The following ENPP2 variants were observed in gnomAD, a reference collection of about 807,000 sequenced individuals.
The protein encoded by ENPP2 is ectonucleotide pyrophosphatase/phosphodiesterase 2.
A neutral mutation model predicts 120.2 loss-of-function variants in ENPP2; 51 were observed. The observed-to-expected ratio is 0.42, with a 90% CI of 0.34 to 0.54. ENPP2 has a LOEUF of 0.54. Ranked by LOEUF, ENPP2 falls within the 20% of genes least tolerant of loss-of-function variation. ENPP2 has a pLI of 0.04. For synonymous variants in ENPP2, 365 were observed against 366.4 expected, an observed-to-expected ratio of 1.00 and a Z score of 0.04; for missense variants, 920 against 1,066.5, an observed-to-expected ratio of 0.86 and a Z score of 1.91.
intron 3 of ENPP2, among the ~76,000 whole-genome samples, chr8:119,624,723 G>A (rs1034316396): frequency 9.9e-5 from 15 of 151,986 alleles, no homozygotes; most frequent in South Asian, 2.1e-4. Context: ...AGATACTTTC[G>A]CACACATGCA....
intron 19 of ENPP2, chr8:119,572,382 TA>T: frequency 1.4e-6 from 1 of 691,990 alleles, no homozygotes; most frequent in Non-Finnish European, 2.5e-6. Context: ...TAGGGGACAA[TA>T]AAATAGCAGC....
chr8:119,590,079 G>T (rs1813392722), intron 13 of ENPP2, among the ~76,000 whole-genome samples: 1 of 152,128 alleles, frequency 6.6e-6, no homozygotes, highest in African/African-American at 2.4e-5. Flanking sequence ...CAGTCCAAAT[G>T]TGGTTCTGCC....
At chr8:119,621,574 A>C (rs948603259) in intron 3 of ENPP2, 55 bp from the exon 4 acceptor site, 1 of 1,579,666 alleles carries the variant, frequency 6.3e-7, no homozygotes, top group Non-Finnish European at 8.7e-7. Context: ...AAATGAAAGA[A>C]GCCACAATTG....
intron 9 of ENPP2, among the ~76,000 whole-genome samples, chr8:119,603,701 A>G (rs1030053699): frequency 6.6e-6 from 1 of 152,234 alleles, no homozygotes. Flanking sequence ...TTTTATTGTT[A>G]TATACTAAAT....
chr8:119,580,175 T>C lies in ENPP2; in HGVS notation c.1729-8A>G, dbSNP rs1192202907. 1.2e-6 allele frequency: 2 copies of C among 1,610,648 alleles called. No homozygotes were observed. Among genetic ancestry groups the C allele is most frequent in the Non-Finnish European group, 1.7e-6 (2 of 1,176,802 alleles). On this transcript the variant is annotated splice_region_variant and splice_polypyrimidine_tract_variant and intron_variant, in intron 18 of 24. Coordinates refer to ENST00000075322, the MANE Select transcript of ENPP2 (RefSeq NM_001040092.3). ...GAGTTCATCCAACTTGTTCTTCATG[T>C]GTGAAAACCAGTAAAGGAAAAAAGA...
intron 3 of ENPP2, among the ~76,000 whole-genome samples, chr8:119,622,568 G>A (rs1587507197): frequency 6.6e-6 from 1 of 152,334 alleles, no homozygotes; most frequent in South Asian, 2.1e-4. Context: ...ATCTGCTAGA[G>A]TGTAAGCGCC....
At chr8:119,648,010 A>G (rs1215357589) in intron 1 of ENPP2, among the ~76,000 whole-genome samples, 6 of 152,176 alleles carry the variant, frequency 3.9e-5, no homozygotes, top group Non-Finnish European at 5.9e-5. Flanking sequence ...CATCCCCAAA[A>G]AAAGAAAAGT....
intron 8 of ENPP2, among the ~76,000 whole-genome samples, chr8:119,610,640 C>T (rs145775835): frequency 0.057 from 8,664 of 151,916 alleles, 726 homozygotes; most frequent in African/African-American, 0.19. Flanking sequence ...TGGTGGCTCA[C>T]GCCTATAATC....
intron 9 of ENPP2, among the ~76,000 whole-genome samples, chr8:119,604,015 T>C (rs1442479596): frequency 2.7e-4 from 10 of 36,432 alleles, no homozygotes; most frequent in South Asian, 2.4e-3. Context: ...TCTCTCTCTT[T>C]TTTTTTTTTT....
intron 15 of ENPP2, among the ~76,000 whole-genome samples, chr8:119,584,334 T>G (rs1812958762): frequency 2.0e-5 from 3 of 152,146 alleles, no homozygotes; most frequent in Admixed American, 2.0e-4. Flanking sequence ...AAAGTCATGC[T>G]CTGCCTGTCT....
intron 11 of ENPP2, among the ~76,000 whole-genome samples, chr8:119,598,918 C>T (rs1354641596): frequency 1.3e-5 from 2 of 152,138 alleles, no homozygotes; most frequent in African/African-American, 2.4e-5. Flanking sequence ...TATACCAATC[C>T]GTTTTGCCTA....
chr8:119,622,602 C>G (rs947562746), intron 3 of ENPP2, among the ~76,000 whole-genome samples: 2 of 152,212 alleles, frequency 1.3e-5, no homozygotes, highest in African/African-American at 4.8e-5. Context: ...TGACACCTCT[C>G]TCTTCGCTCT....
chr8:119,646,022 G>A (rs1220507896), intron 1 of ENPP2, among the ~76,000 whole-genome samples: 4 of 151,124 alleles, frequency 2.6e-5, no homozygotes, highest in African/African-American at 7.3e-5. Flanking sequence ...AGGCTGGAGC[G>A]CAATGGCACG....
rs138716358 is a variant in ENPP2 at position 119,616,445 on chromosome 8, C to T, written c.658-61G>A. ...ATACAATAATCCACATACATTAGTT[C>T]TAGTATGAATTTTCTTAGCATAGAA... On this transcript the variant is annotated intron_variant, in intron 7 of 24. Coordinates refer to ENST00000075322, the MANE Select transcript of ENPP2 (RefSeq NM_001040092.3). The T allele has an allele frequency of 9.0e-4, 1,173 of 1,297,342 alleles. 10 individuals carry two copies. The highest frequency in any genetic ancestry group is 4.2e-3 in the East Asian group (178 of 42,290). The allele number at this position is 1,297,342 out of a possible 1,614,324, so 80.4% of individuals were successfully genotyped here. A position where few individuals can be genotyped will look rare whatever the true frequency, so the allele number is the denominator to read the frequency against.
At chr8:119,629,088 T>C (rs974827889) in intron 2 of ENPP2, among the ~76,000 whole-genome samples, 2 of 152,178 alleles carry the variant, frequency 1.3e-5, no homozygotes, top group African/African-American at 4.8e-5. Flanking sequence ...ACAAAATATA[T>C]ACTGTATAAT....
chr8:119,645,745 G>T (rs922914794), intron 1 of ENPP2, among the ~76,000 whole-genome samples: 1 of 151,124 alleles, frequency 6.6e-6, no homozygotes, highest in African/African-American at 2.4e-5. Context: ...AACCCGGGGA[G>T]TGGAGGTTGA....
At chr8:119,612,146 C>G (rs7464710) in intron 8 of ENPP2, among the ~76,000 whole-genome samples, 56,179 of 152,092 alleles carry the variant, frequency 0.37, 13,334 homozygotes, top group African/African-American at 0.68. Context: ...AAGGCCTCCT[C>G]GGGACAGACA....
chr8:119,608,160 A>G (rs927650479), intron 8 of ENPP2, among the ~76,000 whole-genome samples, 183 bp from the exon 9 acceptor site: 1 of 152,242 alleles, frequency 6.6e-6, no homozygotes, highest in African/African-American at 2.4e-5. Flanking sequence ...CACAAATGTT[A>G]TTCAATATAT....
At chr8:119,604,376 G>A (rs572397365) in intron 9 of ENPP2, among the ~76,000 whole-genome samples, 1 of 152,244 alleles carries the variant, frequency 6.6e-6, no homozygotes, top group African/African-American at 2.4e-5. Flanking sequence ...TGTTTCCTAG[G>A]AGTTCTAGAT....
Sources: allele counts gnomAD v4.1 joint callset (sites outside exome capture counted in the v4.1 genomes callset), GRCh38; gene constraint gnomAD v4.1.1; transcripts MANE v1.5; gene names NCBI Gene and HGNC (gene_info 2026-07-23, HGNC 2026-07-21).